The following XIRP2 variants were observed in gnomAD, a reference collection of about 807,000 sequenced individuals.
XIRP2 encodes xin actin-binding repeat-containing protein 2.
A neutral mutation model predicts 277.0 loss-of-function variants in XIRP2; 236 were observed. That is an observed-to-expected ratio of 0.85 (90% CI 0.77 to 0.95). The LOEUF (loss-of-function observed/expected upper bound fraction) is 0.95. Ranked by LOEUF, XIRP2 falls within the 40% of genes least tolerant of loss-of-function variation. The probability of loss-of-function intolerance (pLI) is 0.00; values close to 1 mark genes in which losing one functional copy is unlikely to be tolerated. For missense variants in XIRP2, 4,640 were observed against 4,157.5 expected, an observed-to-expected ratio of 1.12 and a Z score of -3.19; for synonymous variants, 1,490 against 1,416.5, an observed-to-expected ratio of 1.05 and a Z score of -1.17.
In XIRP2 at chr2:167,025,875, C is replaced by G. The variant is rs980989915; in HGVS notation, c.409-110034C>G. ...TTGCTGAGGAGAGCTTTACTTCCAA[C>G]TATGTGGTCAATTTTGGAATAGGTG... On this transcript the variant is annotated intron_variant, in intron 2 of 10. Coordinates refer to ENST00000409195, the MANE Select transcript of XIRP2 (RefSeq NM_152381.6). Among the ~76,000 whole-genome samples the G allele has an allele frequency of 1.9e-3, 288 of 151,894 alleles. 1 individual carries two copies. Among genetic ancestry groups the G allele is most frequent in the African/African-American group, 4.4e-3 (182 of 41,490 alleles).
At chr2:167,001,139 T>G (rs150702376) in intron 2 of XIRP2, among the ~76,000 whole-genome samples, 1 of 152,112 alleles carries the variant, frequency 6.6e-6, no homozygotes, top group African/African-American at 2.4e-5. Context: ...AATATATTAG[T>G]GGGGTGGATG....
At chr2:167,211,823 T>C (rs1417931338) in intron 4 of XIRP2, among the ~76,000 whole-genome samples, 1 of 152,224 alleles carries the variant, frequency 6.6e-6, no homozygotes, top group South Asian at 2.1e-4. Context: ...AGACCACCAA[T>C]TTTTAGAGCC....
intron 2 of XIRP2, among the ~76,000 whole-genome samples, chr2:166,919,272 A>G (rs986256889): frequency 6.6e-6 from 1 of 152,216 alleles, no homozygotes; most frequent in East Asian, 1.9e-4. Flanking sequence ...AGTGAATGTT[A>G]TAACTTCCAA....
At position 167,259,340 on chromosome 2, in the gene XIRP2, A is replaced by T. The variant is rs2105460482; in HGVS notation, c.*1523A>T. The T allele has an allele frequency of 1.2e-6, 2 of 1,609,272 alleles. No individual in the cohort carries two copies. Among genetic ancestry groups the T allele is most frequent in the Non-Finnish European group, 1.7e-6 (2 of 1,178,140 alleles). On this transcript the variant is annotated 3_prime_UTR_variant, in exon 11 of 11. Coordinates refer to ENST00000409195, the MANE Select transcript of XIRP2 (RefSeq NM_152381.6). ...GGTGGAAGAGCAGATTAAAAGAAAC[A>T]GGTGCTACAGTGACACTGAGTAAAA...
chr2:167,196,827 G>A (rs1452874666), intron 3 of XIRP2, among the ~76,000 whole-genome samples: 1 of 152,086 alleles, frequency 6.6e-6, no homozygotes, highest in Non-Finnish European at 1.5e-5. Flanking sequence ...GTGGCTGGGG[G>A]TGGGTTGGTT....
Position 167,247,868 on chromosome 2 carries a change from C to T in XIRP2, c.6476C>T (p.Ser2159Phe), listed in dbSNP as rs1695329400. 6.2e-7 allele frequency: 1 copy of T among 1,613,572 alleles called. No individual in the cohort carries two copies. The highest frequency in any genetic ancestry group is 8.5e-7 in the Non-Finnish European group (1 of 1,179,754). Residue 2159 changes from serine (S) to phenylalanine (F), a missense_variant, in exon 9 of 11, where the codon TCC (serine) becomes TTC (phenylalanine). By Grantham distance (155) the Ser-to-Phe change is radical. Transcript: ENST00000409195. ...AAAATATTAACTGATACACAAAGCT[C>T]CAAGCCCAGTCCCACCCAGCATCCA... ...NIKILTDTQS[S>F]KPSPTQHPVS...
intron 2 of XIRP2, among the ~76,000 whole-genome samples, chr2:167,129,435 T>C (rs1306039058): frequency 2.6e-5 from 4 of 152,236 alleles, no homozygotes; most frequent in Admixed American, 1.3e-4. Flanking sequence ...TGGTAAGATG[T>C]TCTTATTATT....
chr2:167,194,618 C>T (rs184880460), intron 3 of XIRP2, among the ~76,000 whole-genome samples: 388 of 152,188 alleles, frequency 2.5e-3, no homozygotes, highest in Middle Eastern at 6.8e-3. Context: ...ATGAACTCCA[C>T]GTAACACTTT....
rs150531769 is a variant in XIRP2 at position 167,120,703 on chromosome 2, A to G, written c.409-15206A>G. On this transcript the variant is annotated intron_variant, in intron 2 of 10. Coordinates refer to ENST00000409195, the MANE Select transcript of XIRP2 (RefSeq NM_152381.6). ...GGACAGCCAGAAGCTTCATGAGATCATGTATCTCAGGCTCTTATCTTAACA... is the reference window on the plus strand; with the variant it reads ...GGACAGCCAGAAGCTTCATGAGATCGTGTATCTCAGGCTCTTATCTTAACA... 1.4e-3 allele frequency among the ~76,000 whole-genome samples: 206 copies of G among 152,304 alleles called. 7 individuals carry two copies. The East Asian group carries it at 0.035, about 26-fold the overall frequency.
chr2:167,182,940 C>G (rs1367373333), intron 3 of XIRP2, among the ~76,000 whole-genome samples: 2 of 152,090 alleles, frequency 1.3e-5, no homozygotes, highest in African/African-American at 4.8e-5. Flanking sequence ...TAGTCTTCAC[C>G]TAGCAAATGG....
In XIRP2 at chr2:167,257,869, T is replaced by C. The variant is rs780474230; in HGVS notation, c.*52T>C. On this transcript the variant is annotated 3_prime_UTR_variant, in exon 11 of 11. Coordinates refer to ENST00000409195, the MANE Select transcript of XIRP2 (RefSeq NM_152381.6). ...TTCTTTTTGGCAGTTTGGGAAATTA[T>C]GCATCACTTCATGGACAAATATACT... 1 of 1,589,076 alleles carries C rather than the reference T, an allele frequency of 6.3e-7. No individual in the cohort carries two copies. Among genetic ancestry groups the C allele is most frequent in the South Asian group, 1.2e-5 (1 of 86,668 alleles).
chr2:167,238,583 A>G (rs974784630), intron 5 of XIRP2, among the ~76,000 whole-genome samples: 1 of 152,186 alleles, frequency 6.6e-6, no homozygotes, highest in South Asian at 2.1e-4. Flanking sequence ...AGTTTAAGAT[A>G]TTGGGATTTG....
chr2:167,168,885 C>G (rs1186793925), intron 3 of XIRP2, among the ~76,000 whole-genome samples: 4 of 152,086 alleles, frequency 2.6e-5, no homozygotes, highest in Non-Finnish European at 5.9e-5. Flanking sequence ...AAGTGCATTA[C>G]CTATCTGATC....
At chr2:167,099,073 G>A (rs888548094) in intron 2 of XIRP2, among the ~76,000 whole-genome samples, 14 of 152,196 alleles carry the variant, frequency 9.2e-5, no homozygotes, top group Admixed American at 9.2e-4. Flanking sequence ...CCAGCAGGAA[G>A]GAACGTTTAA....
At chr2:166,891,010 GCTGGCTATGAGAGATTTGGTGT>G (rs954344982) in intron 1 of XIRP2, among the ~76,000 whole-genome samples, 1 of 152,168 alleles carries the variant, frequency 6.6e-6, no homozygotes, top group African/African-American at 2.4e-5. Flanking sequence ...AGCTCCCAGA[GCTGGCTATGAGAGATTTGGTGT>G]CTTGTAGCTG....
At chr2:167,089,668 A>C (rs568144178) in intron 2 of XIRP2, among the ~76,000 whole-genome samples, 1 of 152,226 alleles carries the variant, frequency 6.6e-6, no homozygotes, top group South Asian at 2.1e-4. Context: ...TTACTTAAGT[A>C]AACATATGTG....
At chr2:167,212,151 T>C (rs1347939824) in intron 4 of XIRP2, among the ~76,000 whole-genome samples, 2 of 152,186 alleles carry the variant, frequency 1.3e-5, no homozygotes, top group African/African-American at 4.8e-5. Flanking sequence ...ACAGCTTAGA[T>C]TTGGAATAAA....
intron 2 of XIRP2, among the ~76,000 whole-genome samples, chr2:167,021,658 T>C (rs1364952056): frequency 1.3e-5 from 2 of 151,720 alleles, no homozygotes; most frequent in Non-Finnish European, 2.9e-5. Context: ...AGACCTAGTC[T>C]CTACAAAAAA....
chr2:166,897,955 A>G (rs889821188), intron 1 of XIRP2, among the ~76,000 whole-genome samples: 2 of 152,062 alleles, frequency 1.3e-5, no homozygotes, highest in Non-Finnish European at 2.9e-5. Context: ...CATGCAGGAT[A>G]CTCAGGGGCT....
Sources: gnomAD v4.1 joint callset for allele counts (sites outside exome capture counted in the v4.1 genomes callset) on GRCh38, gnomAD v4.1.1 for gene constraint, MANE v1.5 for transcripts, NCBI Gene and HGNC (gene_info 2026-07-23, HGNC 2026-07-21) for gene names.